PDGFRL: variants seen among roughly 807,000 people sequenced by gnomAD.
The protein encoded by PDGFRL is platelet-derived growth factor receptor-like protein.
In PDGFRL, 46 loss-of-function variants were observed where a neutral mutation model predicts 37.2. That is an observed-to-expected ratio of 1.24 (90% CI 0.98 to 1.58). PDGFRL has a LOEUF of 1.58. Ranked by LOEUF, PDGFRL falls within the 40% of genes most tolerant of loss-of-function variation. PDGFRL has a pLI of 0.00. For missense variants in PDGFRL, 692 were observed against 467.6 expected (o/e 1.48, Z -4.43); for synonymous variants, 251 against 184.3 (o/e 1.36, Z -2.93).
At chr8:17,592,400 C>T (rs1803958300) in intron 2 of PDGFRL, among the ~76,000 whole-genome samples, 1 of 152,206 alleles carries the variant, frequency 6.6e-6, no homozygotes. Flanking sequence ...TAGGGCTTCT[C>T]ACTGCCGCTG....
At chr8:17,633,798 C>G (rs568786369) in intron 4 of PDGFRL, among the ~76,000 whole-genome samples, 1 of 152,122 alleles carries the variant, frequency 6.6e-6, no homozygotes, top group Non-Finnish European at 1.5e-5. Context: ...TTCACATGAC[C>G]ACTGATGGAC....
intron 2 of PDGFRL, among the ~76,000 whole-genome samples, chr8:17,618,446 A>G (rs920034410): frequency 1.3e-5 from 2 of 152,234 alleles, no homozygotes; most frequent in African/African-American, 4.8e-5. Flanking sequence ...CATGATTACT[A>G]CTATTCATCT....
rs150901261 is a variant in PDGFRL, at chr8:17,633,992, C to T, written c.800-82C>T. ...GAAAGGCAGAAAATTCCATCTCTCTCCATGGAAAAGAATGCATCTGTAGGT... is the reference window on the plus strand; with the variant it reads ...GAAAGGCAGAAAATTCCATCTCTCTTCATGGAAAAGAATGCATCTGTAGGT... On this transcript the variant is annotated intron_variant, in intron 4 of 5. Transcript: ENST00000251630. 1.0e-4 allele frequency: 138 copies of T among 1,353,112 alleles called. No homozygotes were observed. The African/African-American group carries it at 1.7e-3, about 16-fold the overall frequency. 83.8% of individuals were successfully genotyped at this position (1,353,112 alleles called of 1,614,324 possible).
Position 17,589,485 on chromosome 8 carries a change from C to G in PDGFRL, c.73C>G (p.Pro25Ala). The G allele has an allele frequency of 1.2e-6, 2 of 1,613,294 alleles. No individual in the cohort carries two copies. Among genetic ancestry groups the G allele is most frequent in the Non-Finnish European group, 1.7e-6 (2 of 1,179,532 alleles). Residue 25 changes from proline (P) to alanine (A), a missense_variant, in exon 2 of 6, where the codon CCC (proline) becomes GCC (alanine). Physicochemically the swap from Pro to Ala is conservative, Grantham distance 27. Coordinates refer to ENST00000251630, the MANE Select transcript of PDGFRL (RefSeq NM_001372073.1). ...ALEDVTGQHL[P>A]KNKRPKEPGE... ...TTTTGCAGTTACTGGCCAACACCTT[C>G]CCAAGAACAAGCGTCCAAAAGAACC...
rs529373292 is a variant in PDGFRL, at chr8:17,642,927, C to G, written c.*126C>G. The G allele has an allele frequency of 2.9e-5, 18 of 627,118 alleles. No individual in the cohort carries two copies. The highest frequency in any genetic ancestry group is 4.5e-5 in the Non-Finnish European group (16 of 355,558). 38.8% of individuals were successfully genotyped at this position (627,118 alleles called of 1,614,324 possible). On this transcript the variant is annotated 3_prime_UTR_variant, in exon 6 of 6. Coordinates refer to ENST00000251630, the MANE Select transcript of PDGFRL (RefSeq NM_001372073.1). Reference sequence around the variant, plus strand: ...GCACCACACCCCAACCCCAGCGTCTCGTGAGTCCGACCCAGACATCCAAAC... The same window carrying G: ...GCACCACACCCCAACCCCAGCGTCTGGTGAGTCCGACCCAGACATCCAAAC...
chr8:17,602,259 T>G (rs559240695), intron 2 of PDGFRL, among the ~76,000 whole-genome samples: 1 of 152,302 alleles, frequency 6.6e-6, no homozygotes, highest in South Asian at 2.1e-4. Flanking sequence ...GAAGCCCCAC[T>G]TTTTGACAGA....
chr8:17,628,154 C>T (rs186576581), intron 3 of PDGFRL, among the ~76,000 whole-genome samples: 170 of 142,916 alleles, frequency 1.2e-3, no homozygotes, highest in African/African-American at 3.9e-3. Context: ...CCACCATGCC[C>T]GGCTCATTTT....
chr8:17,632,623 C>G lies in PDGFRL; in HGVS notation c.800-1451C>G, dbSNP rs182160596. Among the ~76,000 whole-genome samples, 6 of 152,320 alleles carry G rather than the reference C, an allele frequency of 3.9e-5. 1 individual carries two copies. The South Asian group carries it at 1.2e-3, about 32-fold the overall frequency. ...AAGTGCTGGGATTACAGGAGTGAGC[C>G]ACTGTGCCCGTTCCCTGATTTTAAT... is the stretch of plus-strand genomic sequence containing the variant. On this transcript the variant is annotated intron_variant, in intron 4 of 5. Coordinates refer to ENST00000251630, the MANE Select transcript of PDGFRL (RefSeq NM_001372073.1).
chr8:17,610,768 G>A (rs1208004630), intron 2 of PDGFRL, among the ~76,000 whole-genome samples: 3 of 152,066 alleles, frequency 2.0e-5, no homozygotes, highest in African/African-American at 4.8e-5. Context: ...AAAATTAGCC[G>A]GGCCTGGTGG....
rs1803974070 is a variant in PDGFRL, at chr8:17,592,942, ACACACACACTACT to A, written c.353+3179_353+3191del. Among the ~76,000 whole-genome samples the A allele has an allele frequency of 1.0e-4, 9 of 90,334 alleles. No individual in the cohort carries two copies. The Admixed American group carries it at 1.1e-3, about 11-fold the overall frequency. 59.3% of individuals were successfully genotyped at this position (90,334 alleles called of 152,430 possible). ...CACACACACACACACACACACACAC[ACACACACACTACT>A]CTACACACACACCTTGAGAGTAAAT... On this transcript the variant is annotated intron_variant, in intron 2 of 5. Coordinates refer to ENST00000251630, the MANE Select transcript of PDGFRL (RefSeq NM_001372073.1).
chr8:17,623,888 C>T (rs77074284), intron 3 of PDGFRL, among the ~76,000 whole-genome samples: 12,991 of 134,330 alleles, frequency 0.097, 1,710 homozygotes, highest in African/African-American at 0.31. Flanking sequence ...AAAAAAAATA[C>T]GGGCTCTCTT....
chr8:17,627,728 G>T (rs1020944153), intron 3 of PDGFRL, among the ~76,000 whole-genome samples: 2 of 151,362 alleles, frequency 1.3e-5, no homozygotes, highest in Non-Finnish European at 2.9e-5. Context: ...CACCCGCCTC[G>T]GCCTCCCAAA....
chr8:17,620,313 T>C (rs1804605404), intron 2 of PDGFRL, among the ~76,000 whole-genome samples: 1 of 152,220 alleles, frequency 6.6e-6, no homozygotes, highest in African/African-American at 2.4e-5. Flanking sequence ...TATTAAAATA[T>C]GTAGCAATGT....
intron 2 of PDGFRL, among the ~76,000 whole-genome samples, chr8:17,607,268 C>CTA (rs1167928719): frequency 6.6e-6 from 1 of 151,926 alleles, no homozygotes; most frequent in Non-Finnish European, 1.5e-5. Flanking sequence ...CCAAGGTTCT[C>CTA]TAGATCACCC....
chr8:17,581,746 C>A (rs1295848904), intron 1 of PDGFRL, among the ~76,000 whole-genome samples: 1 of 152,168 alleles, frequency 6.6e-6, no homozygotes, highest in Non-Finnish European at 1.5e-5. Context: ...AGTCTGAGGC[C>A]TTCATTGGAA....
At chr8:17,601,535 A>C (rs1246170667) in intron 2 of PDGFRL, among the ~76,000 whole-genome samples, 2 of 151,772 alleles carry the variant, frequency 1.3e-5, no homozygotes, top group Non-Finnish European at 2.9e-5. Context: ...ATTGCATGTC[A>C]CGAGGGTTTG....
intron 3 of PDGFRL, among the ~76,000 whole-genome samples, chr8:17,626,290 C>T (rs889754639): frequency 4.6e-5 from 7 of 152,154 alleles, no homozygotes; most frequent in South Asian, 2.1e-4. Flanking sequence ...TTAGGCATGA[C>T]GTTGACAAAG....
chr8:17,603,584 G>A (rs1187849396), intron 2 of PDGFRL, among the ~76,000 whole-genome samples: 1 of 152,078 alleles, frequency 6.6e-6, no homozygotes, highest in African/African-American at 2.4e-5. Context: ...GTTATCATTT[G>A]TCGAACACTC....
At chr8:17,615,180 A>T (rs3780105) in intron 2 of PDGFRL, among the ~76,000 whole-genome samples, 1 of 152,010 alleles carries the variant, frequency 6.6e-6, no homozygotes, top group South Asian at 2.1e-4. Flanking sequence ...TGGGTGTCCC[A>T]TTCTTGTTTC....
Sources: allele counts gnomAD v4.1 joint callset (sites outside exome capture counted in the v4.1 genomes callset), GRCh38; gene constraint gnomAD v4.1.1; transcripts MANE v1.5; gene names NCBI Gene and HGNC (gene_info 2026-07-23, HGNC 2026-07-21).